ZNF2: variants seen among roughly 807,000 people sequenced by gnomAD.
The protein encoded by ZNF2 is zinc finger protein 2.2.
Under a neutral mutation model 21.9 loss-of-function variants are expected in ZNF2, and 12 were observed. The ratio of observed to expected loss-of-function variants is 0.55; its 90% CI spans 0.35 to 0.89. The LOEUF (loss-of-function observed/expected upper bound fraction) is 0.89, where lower values mean the gene tolerates loss of function less well. Among genes scored for constraint, ZNF2 ranks in the 40% least tolerant of loss-of-function variants. The pLI, the probability that ZNF2 is intolerant of heterozygous loss-of-function variation, is 0.01. For synonymous variants in ZNF2, 186 were observed against 196.3 expected (o/e 0.95, Z 0.44); for missense variants, 462 against 544.2 (o/e 0.85, Z 1.50).
chr2:95,172,777 C>T (rs570067610), intron 1 of ZNF2, among the ~76,000 whole-genome samples: 2 of 151,966 alleles, frequency 1.3e-5, no homozygotes, highest in East Asian at 1.9e-4. Flanking sequence ...GCTGGCACTA[C>T]AGCCACGTGC....
chr2:95,176,112 C>A, intron 1 of ZNF2, 76 bp from the exon 2 acceptor site: 1 of 1,305,166 alleles, frequency 7.7e-7, no homozygotes, highest in Non-Finnish European at 1.1e-6. Context: ...GTATGTGCTT[C>A]ATGGGTCAAA....
chr2:95,169,347 G>A (rs1674195007), intron 1 of ZNF2, among the ~76,000 whole-genome samples: 1 of 152,216 alleles, frequency 6.6e-6, no homozygotes, highest in African/African-American at 2.4e-5. Context: ...AGTTTCGACT[G>A]CAGTTTTGGA....
rs1184061186 is a variant in ZNF2, at chr2:95,181,189, CTG to C, written c.365_366del (p.Cys122SerfsTer2). On this transcript the variant is annotated frameshift_variant, in exon 5 of 5. Transcript: ENST00000614034. LOFTEE classifies it low-confidence loss of function (END_TRUNC). Reference protein sequence around the residue: ...LRECLGRQSPLCPKFEVHTPN... With the variant: ...LRECLGRQSPXCPKFEVHTPN... Reference sequence around the variant, plus strand: ...GGAATGCCTTGGAAGGCAAAGTCCTCTGTGTCCTAAATTTGAAGTTCATACAC... The same window carrying C: ...GGAATGCCTTGGAAGGCAAAGTCCTCTGTCCTAAATTTGAAGTTCATACAC... 1 of 1,614,206 alleles carries C rather than the reference CTG, an allele frequency of 6.2e-7. No homozygotes were observed. The highest frequency in any genetic ancestry group is 1.7e-5 in the Admixed American group (1 of 60,024).
At position 95,183,490 on chromosome 2, in the gene ZNF2, C is replaced by G. The variant is rs191120129; in HGVS notation, c.*1384C>G. The stretch of plus-strand genomic sequence containing the variant: ...TGCCCATCACTGCCTTCCTCAAGAC[C>G]TAAAATAGCTCCCTATTTAGTGAAA... On this transcript the variant is annotated 3_prime_UTR_variant, in exon 5 of 5. Transcript: ENST00000614034. 1 of 152,062 alleles carries G rather than the reference C, an allele frequency of 6.6e-6. No homozygotes were observed. Among genetic ancestry groups the G allele is most frequent in the African/African-American group, 2.4e-5 (1 of 41,512 alleles). 9.4% of individuals were successfully genotyped at this position (152,062 alleles called of 1,614,324 possible).
intron 1 of ZNF2, among the ~76,000 whole-genome samples, chr2:95,167,070 C>T (rs1293849502): frequency 6.6e-6 from 1 of 152,102 alleles, no homozygotes; most frequent in Non-Finnish European, 1.5e-5. Flanking sequence ...ATCCATGTTT[C>T]CAGGGCAAAA....
rs61737522 is a variant in ZNF2 at position 95,181,770 on chromosome 2, G to A, written c.942G>A (p.Glu314=). ...QLIHTGRKPY[E]CNECGKAFYG... is the part of the protein sequence containing the mutation. ...TCCACACTGGCAGGAAGCCTTATGA[G>A]TGTAACGAGTGCGGGAAAGCTTTCT... is the stretch of plus-strand genomic sequence containing the variant. Residue 314 remains glutamate (E), a synonymous_variant, in exon 5 of 5, where the codon GAG becomes GAA. Transcript: ENST00000614034. The A allele has an allele frequency of 1.2e-4, 196 of 1,614,096 alleles. No homozygotes were observed. Among genetic ancestry groups the A allele is most frequent in the Admixed American group, 4.0e-4 (24 of 60,010 alleles).
intron 1 of ZNF2, among the ~76,000 whole-genome samples, chr2:95,174,053 A>G (rs1674364750): frequency 6.6e-6 from 1 of 152,234 alleles, no homozygotes; most frequent in South Asian, 2.1e-4. Context: ...GGACTGGGCC[A>G]TAAATTATTT....
At position 95,181,385 on chromosome 2, in the gene ZNF2, C is replaced by T. The variant is rs774880829; in HGVS notation, c.557C>T (p.Ser186Leu). 6.2e-7 allele frequency: 1 copy of T among 1,614,214 alleles called. No homozygotes were observed. The highest frequency in any genetic ancestry group is 1.1e-5 in the South Asian group (1 of 91,090). ...SDCGKTFFDHSSLTRHQRTHT... is the reference protein window; with the variant it reads ...SDCGKTFFDHLSLTRHQRTHT... ...TGTGGGAAGACCTTTTTTGACCACT[C>T]ATCCCTCACCCGCCATCAGAGGACT... Residue 186 changes from serine to leucine, a missense_variant, in exon 5 of 5, where the codon TCA becomes TTA. Physicochemically the swap from Ser to Leu is moderately radical, Grantham distance 145. Transcript: ENST00000614034.
rs1674756841 is a variant in ZNF2, at chr2:95,183,611, CT to C, written c.*1506del. ...ACTCTTCTCTTCCCTGGGCCCAGTCCTATTTTTTTTTTTTTTTTTTTTTTTG... is the reference window on the plus strand; with the variant it reads ...ACTCTTCTCTTCCCTGGGCCCAGTCCATTTTTTTTTTTTTTTTTTTTTTTG... On this transcript the variant is annotated 3_prime_UTR_variant, in exon 5 of 5. Transcript: ENST00000614034. The C allele has an allele frequency of 2.1e-5, 3 of 143,002 alleles. No individual in the cohort carries two copies. Among genetic ancestry groups the C allele is most frequent in the African/African-American group, 8.0e-5 (3 of 37,632 alleles). 8.9% of individuals were successfully genotyped at this position (143,002 alleles called of 1,614,324 possible).
intron 1 of ZNF2, among the ~76,000 whole-genome samples, chr2:95,172,083 A>T (rs1431594003): frequency 2.6e-5 from 4 of 152,170 alleles, no homozygotes; most frequent in Non-Finnish European, 4.4e-5. Flanking sequence ...TCCCCCAGCA[A>T]CGAAAATGCA....
intron 3 of ZNF2, among the ~76,000 whole-genome samples, chr2:95,179,326 G>A (rs1322237955): frequency 6.6e-6 from 1 of 152,142 alleles, no homozygotes; most frequent in Non-Finnish European, 1.5e-5. Context: ...GTATTTATGG[G>A]TGTCTTTGGA....
At chr2:95,175,753 C>T (rs1259636314) in intron 1 of ZNF2, among the ~76,000 whole-genome samples, 2 of 152,292 alleles carry the variant, frequency 1.3e-5, no homozygotes, top group Middle Eastern at 3.4e-3. Context: ...AAGGGATGCT[C>T]CTTTAGCAAG....
Position 95,180,139 on chromosome 2 carries a change from G to C in ZNF2, c.161-20G>C. The C allele has an allele frequency of 1.3e-6, 2 of 1,553,980 alleles. No individual in the cohort carries two copies. The highest frequency in any genetic ancestry group is 2.2e-5 in the South Asian group (2 of 89,656). ...TTCATCACACACAGCCACCTGCTTT[G>C]TTTCTTTCTCTTTGAGCAGGCCTTC... is the stretch of plus-strand genomic sequence containing the variant. On this transcript the variant is annotated intron_variant, in intron 3 of 4. Transcript: ENST00000614034.
intron 1 of ZNF2, among the ~76,000 whole-genome samples, chr2:95,166,506 C>T (rs1401260896): frequency 1.3e-5 from 2 of 152,076 alleles, no homozygotes; most frequent in African/African-American, 2.4e-5. Context: ...AGGTGTGATC[C>T]AGGGACTGAC....
At chr2:95,166,354 C>T (rs879434068) in intron 1 of ZNF2, among the ~76,000 whole-genome samples, 2 of 151,952 alleles carry the variant, frequency 1.3e-5, no homozygotes, top group African/African-American at 2.4e-5. Flanking sequence ...AGCAGCTAAG[C>T]GTTAGGCAGA....
chr2:95,175,959 G>A (rs1284611071), intron 1 of ZNF2, among the ~76,000 whole-genome samples: 1 of 152,152 alleles, frequency 6.6e-6, no homozygotes, highest in Non-Finnish European at 1.5e-5. Flanking sequence ...CTCTAGCATC[G>A]TGGTAAAAAC....
At position 95,180,210 on chromosome 2, in the gene ZNF2, A is replaced by G. The variant is rs1376620552; in HGVS notation, c.212A>G (p.Lys71Arg). 1 of 1,614,178 alleles carries G rather than the reference A, an allele frequency of 6.2e-7. No homozygotes were observed. Among genetic ancestry groups the G allele is most frequent in the East Asian group, 2.2e-5 (1 of 44,876 alleles). Residue 71 changes from lysine (K) to arginine (R), a missense_variant, in exon 4 of 5, where the codon AAG (lysine) becomes AGG (arginine). By Grantham distance (26) the Lys-to-Arg change is conservative. Coordinates refer to ENST00000614034, the MANE Select transcript of ZNF2 (RefSeq NM_021088.4). Reference sequence around the variant, plus strand: ...ATTTTCCAATTGAAGAGAGGGGACAAGCCGTGGATGGTAGATCTTCATGGG... The same window carrying G: ...ATTTTCCAATTGAAGAGAGGGGACAGGCCGTGGATGGTAGATCTTCATGGG... The part of the protein sequence containing the change: ...DVIFQLKRGD[K>R]PWMVDLHGSE...
chr2:95,181,393 A>T lies in ZNF2; in HGVS notation c.565A>T (p.Thr189Ser). 1 of 1,613,924 alleles carries T rather than the reference A, an allele frequency of 6.2e-7. No individual in the cohort carries two copies. Among genetic ancestry groups the T allele is most frequent in the Non-Finnish European group, 8.5e-7 (1 of 1,179,960 alleles). ...GKTFFDHSSL[T>S]RHQRTHTGEK... ...GACCTTTTTTGACCACTCATCCCTC[A>T]CCCGCCATCAGAGGACTCACACTGG... Residue 189 changes from threonine to serine, a missense_variant, in exon 5 of 5, where the codon ACC becomes TCC. Thr to Ser is a moderately conservative substitution (Grantham distance 58, BLOSUM62 1). Coordinates refer to ENST00000614034, the MANE Select transcript of ZNF2 (RefSeq NM_021088.4).
Position 95,181,095 on chromosome 2 carries a change from T to G in ZNF2, c.275-8T>G, listed in dbSNP as rs1160376174. The stretch of plus-strand genomic sequence containing the variant: ...AAAAAAACTGCATCTGTTTTCTGTT[T>G]GTTCCAGACTGGGAAACTAAGCCTG... On this transcript the variant is annotated splice_region_variant and splice_polypyrimidine_tract_variant and intron_variant, in intron 4 of 4. Coordinates refer to ENST00000614034, the MANE Select transcript of ZNF2 (RefSeq NM_021088.4). The G allele has an allele frequency of 3.7e-6, 6 of 1,606,798 alleles. No individual in the cohort carries two copies. Among genetic ancestry groups the G allele is most frequent in the South Asian group, 1.1e-5 (1 of 89,936 alleles).
Sources: gnomAD v4.1 joint callset for allele counts (sites outside exome capture counted in the v4.1 genomes callset) on GRCh38, gnomAD v4.1.1 for gene constraint, MANE v1.5 for transcripts, NCBI Gene and HGNC (gene_info 2026-07-23, HGNC 2026-07-21) for gene names.